SBNO1: variants seen among roughly 807,000 people sequenced by gnomAD.
SBNO1 encodes the protein protein strawberry notch homolog 1.
In SBNO1, 23 loss-of-function variants were observed where a neutral mutation model predicts 173.6. That is an observed-to-expected ratio of 0.13 (90% CI 0.10 to 0.19). The LOEUF is 0.19. Ranked by LOEUF, SBNO1 falls within the 10% of genes least tolerant of loss-of-function variation. The probability of loss-of-function intolerance (pLI) is 1.00; values close to 1 mark genes in which losing one functional copy is unlikely to be tolerated. For synonymous variants in SBNO1, 632 were observed against 571.5 expected (o/e 1.11, Z -1.51); for missense variants, 1,238 against 1,671.2 (o/e 0.74, Z 4.52).
intron 1 of SBNO1, among the ~76,000 whole-genome samples, chr12:123,360,946 A>G (rs1875080875): frequency 1.3e-5 from 2 of 151,990 alleles, no homozygotes; most frequent in Admixed American, 6.6e-5. Flanking sequence ...CCCCATCCCT[A>G]TTAAAAATGC....
intron 28 of SBNO1, among the ~76,000 whole-genome samples, chr12:123,306,810 T>C (rs1343103877): frequency 6.6e-6 from 1 of 152,002 alleles, no homozygotes; most frequent in Non-Finnish European, 1.5e-5. Context: ...GGGTAACTGA[T>C]AAAAGTATGC....
chr12:123,317,963 GTA>G (rs1201320154), intron 20 of SBNO1, among the ~76,000 whole-genome samples: 1 of 152,084 alleles, frequency 6.6e-6, no homozygotes, highest in South Asian at 2.1e-4. Context: ...TTATCTTTTT[GTA>G]TATATATATT....
intron 5 of SBNO1, among the ~76,000 whole-genome samples, chr12:123,338,209 T>C (rs575829191): frequency 2.6e-4 from 39 of 152,242 alleles, no homozygotes; most frequent in Non-Finnish European, 4.1e-4. Flanking sequence ...GATTTGTATA[T>C]GTCAGCAAAC....
chr12:123,352,375 G>C (rs1459183454), intron 1 of SBNO1, among the ~76,000 whole-genome samples: 2 of 152,158 alleles, frequency 1.3e-5, no homozygotes, highest in South Asian at 2.1e-4. Context: ...ACAATGGCGC[G>C]GTCTCGGCTC....
chr12:123,340,647 T>C (rs1165138925), intron 5 of SBNO1, among the ~76,000 whole-genome samples: 1 of 150,024 alleles, frequency 6.7e-6, no homozygotes, highest in Admixed American at 6.6e-5. Context: ...TGTCAATGCA[T>C]TATGAGCTTT....
chr12:123,308,430 G>A (rs966201302), intron 28 of SBNO1, among the ~76,000 whole-genome samples: 1 of 152,146 alleles, frequency 6.6e-6, no homozygotes, highest in African/African-American at 2.4e-5. Context: ...CAGCACTTTG[G>A]GAGGCCAAGG....
intron 15 of SBNO1, 41 bp from the exon 16 acceptor site, chr12:123,323,872 AAAAT>A (rs1469138443): frequency 6.8e-7 from 1 of 1,461,700 alleles, no homozygotes; most frequent in Non-Finnish European, 9.2e-7. Flanking sequence ...TTCAGTTGAC[AAAAT>A]AATTATATGT....
At position 123,294,060 on chromosome 12, in the gene SBNO1, G is replaced by A. The variant is rs1334418614; in HGVS notation, c.*1848C>T. The A allele has an allele frequency of 6.6e-6, 1 of 152,338 alleles. No individual in the cohort carries two copies. Among genetic ancestry groups the A allele is most frequent in the African/African-American group, 2.4e-5 (1 of 41,474 alleles). 9.4% of individuals were successfully genotyped at this position (152,338 alleles called of 1,614,324 possible). A position where few individuals can be genotyped will look rare whatever the true frequency, so the allele number is the denominator to read the frequency against. On this transcript the variant is annotated 3_prime_UTR_variant, in exon 32 of 32. Coordinates refer to ENST00000602398, the MANE Select transcript of SBNO1 (RefSeq NM_001167856.3). ...CTAGCGGCCCTAACAAGGGAAACTG[G>A]CTGATACAAAATGGATCACTGCCTG... is the stretch of plus-strand genomic sequence containing the variant.
Position 123,290,717 on chromosome 12 carries a change from T to C in SBNO1, c.*5191A>G, listed in dbSNP as rs74240779. ...TGCTTGGCTCTCTTTTGGAGGACAA[T>C]TGTTCCTTAATGTACATTCTCTCTC... On this transcript the variant is annotated 3_prime_UTR_variant, in exon 32 of 32. Coordinates refer to ENST00000602398, the MANE Select transcript of SBNO1 (RefSeq NM_001167856.3). The C allele has an allele frequency of 0.048, 7,227 of 152,128 alleles. 304 individuals are homozygous for C. Among genetic ancestry groups the C allele is most frequent in the East Asian group, 0.25 (1,299 of 5,140 alleles). The allele number at this position is 152,128 out of a possible 1,614,324, so 9.4% of individuals were successfully genotyped here. A position where few individuals can be genotyped will look rare whatever the true frequency, so the allele number is the denominator to read the frequency against.
chr12:123,331,733 G>A (rs1479032841), intron 7 of SBNO1, among the ~76,000 whole-genome samples: 1 of 152,076 alleles, frequency 6.6e-6, no homozygotes, highest in East Asian at 1.9e-4. Context: ...TGTTAGCCAG[G>A]ATGATCTCGA....
Position 123,290,736 on chromosome 12 carries a change from C to T in SBNO1, c.*5172G>A, listed in dbSNP as rs887209971. The T allele has an allele frequency of 1.3e-5, 2 of 149,324 alleles. No homozygotes were observed. Among genetic ancestry groups the T allele is most frequent in the Non-Finnish European group, 3.0e-5 (2 of 67,566 alleles). 9.2% of individuals were successfully genotyped at this position (149,324 alleles called of 1,614,324 possible). A position where few individuals can be genotyped will look rare whatever the true frequency, so the allele number is the denominator to read the frequency against. ...GGACAATTGTTCCTTAATGTACATT[C>T]TCTCTCTTTTTTTTTTTTCGAGACG... On this transcript the variant is annotated 3_prime_UTR_variant, in exon 32 of 32. Transcript: ENST00000602398.
rs976983669 is a variant in SBNO1 at position 123,293,462 on chromosome 12, G to A, written c.*2446C>T. 2 of 152,150 alleles carry A rather than the reference G, an allele frequency of 1.3e-5. No individual in the cohort carries two copies. Among genetic ancestry groups the A allele is most frequent in the Non-Finnish European group, 2.9e-5 (2 of 68,052 alleles). The allele number at this position is 152,150 out of a possible 1,614,324, so 9.4% of individuals were successfully genotyped here. A position where few individuals can be genotyped will look rare whatever the true frequency, so the allele number is the denominator to read the frequency against. On this transcript the variant is annotated 3_prime_UTR_variant, in exon 32 of 32. Transcript: ENST00000602398. ...TTTGCAAGACCACAGTGTAAAGGTCGGATGTCCACCTGAAGAAGGGGTGGG... is the reference window on the plus strand; with the variant it reads ...TTTGCAAGACCACAGTGTAAAGGTCAGATGTCCACCTGAAGAAGGGGTGGG...
At chr12:123,356,272 C>A (rs1024183368) in intron 1 of SBNO1, among the ~76,000 whole-genome samples, 6 of 152,174 alleles carry the variant, frequency 3.9e-5, no homozygotes, top group African/African-American at 1.4e-4. Context: ...GTGATACTAC[C>A]TGGAGTAAAT....
At chr12:123,330,544 A>C (rs1428326131) in intron 8 of SBNO1, 35 bp from the exon 9 acceptor site, 1 of 1,168,898 alleles carries the variant, frequency 8.6e-7, no homozygotes, top group Non-Finnish European at 1.2e-6. Flanking sequence ...ATTAAATACA[A>C]ATTATATCAT....
chr12:123,299,119 A>G (rs2048697004), intron 30 of SBNO1, among the ~76,000 whole-genome samples: 1 of 152,254 alleles, frequency 6.6e-6, no homozygotes, highest in South Asian at 2.1e-4. Context: ...CTGTAATCCC[A>G]GCACTTTGGG....
chr12:123,336,496 A>G lies in SBNO1; in HGVS notation c.652-5T>C. 2 of 1,596,926 alleles carry G rather than the reference A, an allele frequency of 1.3e-6. No homozygotes were observed. The highest frequency in any genetic ancestry group is 1.7e-6 in the Non-Finnish European group (2 of 1,168,282). ...TTCTTTTACAACAGGAACCTTCTGCAACACAGAAAGAGCACAATCAATCCC... is the reference window on the plus strand; with the variant it reads ...TTCTTTTACAACAGGAACCTTCTGCGACACAGAAAGAGCACAATCAATCCC... On this transcript the variant is annotated splice_region_variant and splice_polypyrimidine_tract_variant and intron_variant, in intron 5 of 31. Transcript: ENST00000602398.
chr12:123,297,938 T>G (rs758068336), intron 31 of SBNO1, 40 bp downstream of exon 31: 5 of 1,595,106 alleles, frequency 3.1e-6, no homozygotes, highest in African/African-American at 2.7e-5. Flanking sequence ...CGGATCCGAT[T>G]TTTTCCTGCA....
At chr12:123,319,360 T>C (rs546045182) in intron 20 of SBNO1, among the ~76,000 whole-genome samples, 3 of 152,322 alleles carry the variant, frequency 2.0e-5, no homozygotes, top group African/African-American at 4.8e-5. Flanking sequence ...ACAATACTTA[T>C]TATATTCAAT....
At chr12:123,310,991 A>G (rs1396140399) in intron 25 of SBNO1, 64 bp downstream of exon 25, 27 of 1,199,220 alleles carry the variant, frequency 2.3e-5, no homozygotes, top group Middle Eastern at 1.9e-4. Flanking sequence ...TCAAAAGCAT[A>G]TATCATAATG....
Sources: allele counts gnomAD v4.1 joint callset (sites outside exome capture counted in the v4.1 genomes callset), GRCh38; gene constraint gnomAD v4.1.1; transcripts MANE v1.5; gene names NCBI Gene and HGNC (gene_info 2026-07-23, HGNC 2026-07-21).